Variants in NUP85 observed in about 807,000 individuals in gnomAD.
NUP85 encodes the protein nuclear pore complex protein Nup85.
Under a neutral mutation model 92.8 loss-of-function variants are expected in NUP85, and 23 were observed. The ratio of observed to expected loss-of-function variants is 0.25; its 90% CI spans 0.18 to 0.35. NUP85 has a LOEUF of 0.35. NUP85 is among the 10% of genes least tolerant of loss of function. The pLI, the probability that NUP85 is intolerant of heterozygous loss-of-function variation, is 1.00. For synonymous variants in NUP85, 314 were observed against 306.9 expected (o/e 1.02, Z -0.24); for missense variants, 759 against 822.8 (o/e 0.92, Z 0.95).
chr17:75,230,610 C>T (rs1429622647), intron 11 of NUP85, among the ~76,000 whole-genome samples: 1 of 152,142 alleles, frequency 6.6e-6, no homozygotes, highest in East Asian at 1.9e-4. Context: ...CCTCCCACCT[C>T]GGCCTCCCAA....
rs2076134180 is a variant in NUP85, at chr17:75,232,974, TGCC to T, written c.1514+9_1514+11del. On this transcript the variant is annotated splice_region_variant and intron_variant, in intron 15 of 18. Transcript: ENST00000245544. ...GCCACGCTCGTGTCAGACAGGTGGG[TGCC>T]GCTAGTGTTGGCTTCCCAGGGACTG... is the stretch of plus-strand genomic sequence containing the variant. The T allele has an allele frequency of 1.9e-6, 3 of 1,613,810 alleles. No individual in the cohort carries two copies. Among genetic ancestry groups the T allele is most frequent in the Non-Finnish European group, 1.7e-6 (2 of 1,179,678 alleles).
Position 75,225,711 on chromosome 17 carries a change from A to G in NUP85, c.869A>G (p.Asp290Gly). Residue 290 changes from aspartate (D) to glycine (G), a missense_variant, in exon 10 of 19, where the codon GAC (aspartate) becomes GGC (glycine). Transcript: ENST00000245544. Reference protein sequence around the residue: ...LESLLKIMLGDEAALLEQKEL... With the variant: ...LESLLKIMLGGEAALLEQKEL... ...GTCTCTCCTCAGATTATGCTGGGAG[A>G]CGAAGCTGCCTTGTTAGAGCAGAAG... 6.2e-7 allele frequency: 1 copy of G among 1,614,190 alleles called. No homozygotes were observed. The highest frequency in any genetic ancestry group is 8.5e-7 in the Non-Finnish European group (1 of 1,180,040).
At chr17:75,228,147 C>T in intron 11 of NUP85, 2 of 973,264 alleles carry the variant, frequency 2.1e-6, no homozygotes, top group Middle Eastern at 5.3e-4. Context: ...ATTTATAAGC[C>T]CTGTATCTGG....
intron 17 of NUP85, 68 bp from the exon 18 acceptor site, chr17:75,235,032 G>A: frequency 7.8e-7 from 1 of 1,289,076 alleles, no homozygotes; most frequent in Non-Finnish European, 1.1e-6. Context: ...GTCCGAACAT[G>A]GGCCCCTGCC....
intron 4 of NUP85, among the ~76,000 whole-genome samples, 191 bp from the exon 5 acceptor site, chr17:75,212,885 T>G (rs1401442845): frequency 3.9e-5 from 6 of 152,020 alleles, no homozygotes; most frequent in African/African-American, 1.4e-4. Flanking sequence ...TGAGGGCTTT[T>G]GGTTTGAGAA....
chr17:75,207,181 CCTT>C (rs1425858435), intron 1 of NUP85, among the ~76,000 whole-genome samples: 3 of 151,132 alleles, frequency 2.0e-5, no homozygotes, highest in Non-Finnish European at 2.9e-5. Flanking sequence ...AGATATGTGG[CCTT>C]CTTTTTTTTT....
rs8077936 is a variant in NUP85, at chr17:75,209,150, A to G, written c.127+530A>G. The stretch of plus-strand genomic sequence containing the variant: ...GCTTTTTATCCCTTTTTCTTTGTCC[A>G]AAGTGACCAAATTCCTATCAGTAGC... On this transcript the variant is annotated intron_variant, in intron 2 of 18. Transcript: ENST00000245544. 2.3e-3 allele frequency among the ~76,000 whole-genome samples: 345 copies of G among 152,244 alleles called. 1 individual carries two copies. The highest frequency in any genetic ancestry group is 0.022 in the South Asian group (107 of 4,832).
rs557464139 is a variant in NUP85, at chr17:75,215,839, C to G, written c.475+16C>G. On this transcript the variant is annotated intron_variant, in intron 6 of 18. Coordinates refer to ENST00000245544, the MANE Select transcript of NUP85 (RefSeq NM_024844.5). The stretch of plus-strand genomic sequence containing the variant: ...GTGGCCCCAGGTAGGCATGGAATAT[C>G]TCACCATAATCTCATAGGTGTCCCC... 5 of 1,606,980 alleles carry G rather than the reference C, an allele frequency of 3.1e-6. No homozygotes were observed. The highest frequency in any genetic ancestry group is 4.3e-6 in the Non-Finnish European group (5 of 1,173,596).
chr17:75,219,521 A>T (rs2075536593), intron 7 of NUP85, among the ~76,000 whole-genome samples: 2 of 152,194 alleles, frequency 1.3e-5, no homozygotes, highest in Non-Finnish European at 1.5e-5. Context: ...CAATCCTTCC[A>T]CCTTGGCCTC....
intron 11 of NUP85, among the ~76,000 whole-genome samples, chr17:75,227,472 A>C (rs1174495923): frequency 2.0e-5 from 3 of 151,112 alleles, no homozygotes; most frequent in African/African-American, 7.3e-5. Flanking sequence ...AGTAGCTGGG[A>C]TTACAGGTGT....
At chr17:75,220,026 C>T (rs917448758) in intron 7 of NUP85, among the ~76,000 whole-genome samples, 5 of 152,092 alleles carry the variant, frequency 3.3e-5, no homozygotes, top group African/African-American at 1.2e-4. Flanking sequence ...GAGACTTTAG[C>T]TTTTTGCAGC....
chr17:75,230,112 C>T (rs1245990037), intron 11 of NUP85, among the ~76,000 whole-genome samples: 2 of 150,466 alleles, frequency 1.3e-5, no homozygotes, highest in Admixed American at 1.3e-4. Context: ...GGCACGATCT[C>T]AGCTCACTGC....
chr17:75,234,864 G>C, intron 17 of NUP85, 76 bp downstream of exon 17: 1 of 1,558,326 alleles, frequency 6.4e-7, no homozygotes, highest in Non-Finnish European at 8.8e-7. Context: ...TGTTGCCGAT[G>C]TGCGTGTTTC....
chr17:75,231,669 C>T lies in NUP85; in HGVS notation c.1244+31C>T, dbSNP rs772863492. The T allele has an allele frequency of 1.1e-5, 17 of 1,568,372 alleles. No homozygotes were observed. The highest frequency in any genetic ancestry group is 8.3e-5 in the African/African-American group (5 of 60,470). ...AAGGACCCCATGGGTGTGGGCTATG[C>T]GGGTGCTCTTCAGCATGCGGGTGCC... On this transcript the variant is annotated intron_variant, in intron 13 of 18. Coordinates refer to ENST00000245544, the MANE Select transcript of NUP85 (RefSeq NM_024844.5). The surrounding 1 kb of genome is among the most constrained non-coding windows in gnomAD (Gnocchi z 4.6).
chr17:75,228,105 T>C (rs1185543948), intron 11 of NUP85: 3 of 732,578 alleles, frequency 4.1e-6, no homozygotes, highest in East Asian at 1.3e-4. Flanking sequence ...TCCTGTGTTA[T>C]AACAGTGAGT....
chr17:75,233,200 G>A (rs2076145378), intron 16 of NUP85, 42 bp downstream of exon 16: 1 of 1,543,890 alleles, frequency 6.5e-7, no homozygotes, highest in Non-Finnish European at 8.9e-7. Context: ...GGGCACAAGT[G>A]GGTAGTTGGG....
intron 11 of NUP85, chr17:75,229,022 C>CTTGCT (rs755913233): frequency 6.1e-6 from 6 of 985,508 alleles, no homozygotes; most frequent in Non-Finnish European, 7.2e-6. Context: ...GGGCCAGTTC[C>CTTGCT]TTGCTGTCTG....
intron 9 of NUP85, 52 bp downstream of exon 9, chr17:75,225,516 G>C: frequency 6.3e-7 from 1 of 1,598,208 alleles, no homozygotes; most frequent in South Asian, 1.1e-5. Flanking sequence ...TGGGGGCTGT[G>C]GCATCCAGTG....
At chr17:75,235,305 ATG>A in intron 18 of NUP85, 104 bp downstream of exon 18, 1 of 774,572 alleles carries the variant, frequency 1.3e-6, no homozygotes, top group Non-Finnish European at 2.1e-6. Context: ...CTATGGACAC[ATG>A]TGCCTCTGTT....
Sources: gnomAD v4.1 joint callset for allele counts (sites outside exome capture counted in the v4.1 genomes callset) on GRCh38, gnomAD v4.1.1 for gene constraint, Gnocchi (gnomAD v3.1) non-coding constraint, MANE v1.5 for transcripts, NCBI Gene and HGNC (gene_info 2026-07-23, HGNC 2026-07-21) for gene names.